The following SLC26A5 variants were observed in gnomAD, a reference collection of about 807,000 sequenced individuals.
SLC26A5 encodes prestin.
SLC26A5 carries 51 observed loss-of-function variants against 81.0 expected under a neutral mutation model. The ratio of observed to expected loss-of-function variants is 0.63; its 90% CI spans 0.50 to 0.80. SLC26A5 has a LOEUF of 0.80. Among genes scored for constraint, SLC26A5 ranks in the 30% least tolerant of loss-of-function variants. The probability of loss-of-function intolerance (pLI) is 0.00; values close to 1 mark genes in which losing one functional copy is unlikely to be tolerated. For synonymous variants in SLC26A5, 325 were observed against 332.8 expected (o/e 0.98, Z 0.25); for missense variants, 771 against 905.8 (o/e 0.85, Z 1.91).
chr7:103,417,173 C>T (rs1167674616), intron 4 of SLC26A5, among the ~76,000 whole-genome samples: 2 of 151,792 alleles, frequency 1.3e-5, no homozygotes, highest in Non-Finnish European at 1.5e-5. Flanking sequence ...AGATCGAGAC[C>T]ATCCTGGCCA....
chr7:103,418,926 T>G (rs990543794), intron 4 of SLC26A5, among the ~76,000 whole-genome samples: 4 of 152,188 alleles, frequency 2.6e-5, no homozygotes, highest in Non-Finnish European at 5.9e-5. Context: ...AAATCTCATC[T>G]TGAATTGTAG....
downstream of SLC26A5, among the ~76,000 whole-genome samples, chr7:103,369,820 C>G (rs1586185365): frequency 6.6e-6 from 1 of 152,252 alleles, no homozygotes; most frequent in East Asian, 1.9e-4. Context: ...TGTTTAAAAA[C>G]TTCTTAGTGT....
intron 2 of SLC26A5, among the ~76,000 whole-genome samples, chr7:103,427,145 C>T (rs975555128): frequency 6.6e-6 from 1 of 151,324 alleles, no homozygotes; most frequent in Non-Finnish European, 1.5e-5. Context: ...GTGATCTTGG[C>T]TCACTGCAAC....
At chr7:103,389,196 C>T in intron 13 of SLC26A5, 82 bp from the exon 14 acceptor site, 1 of 1,210,588 alleles carries the variant, frequency 8.3e-7, no homozygotes, top group Non-Finnish European at 1.2e-6. Context: ...CACACACACA[C>T]ATGCTACTTT....
chr7:103,445,045 T>C (rs1827180303), intron 1 of SLC26A5, among the ~76,000 whole-genome samples: 1 of 152,226 alleles, frequency 6.6e-6, no homozygotes, highest in Admixed American at 6.5e-5. Context: ...TAGTGCACAT[T>C]GTTCAGTTTT....
chr7:103,413,665 C>T (rs1824682104), intron 4 of SLC26A5, among the ~76,000 whole-genome samples: 1 of 152,154 alleles, frequency 6.6e-6, no homozygotes, highest in Non-Finnish European at 1.5e-5. Flanking sequence ...AGTCTCATTA[C>T]CTTCCAGTTA....
intron 5 of SLC26A5, 127 bp downstream of exon 5, chr7:103,412,875 T>C (rs1422368694): frequency 1.4e-6 from 1 of 730,962 alleles, no homozygotes; most frequent in African/African-American, 1.7e-5. Context: ...AAAGCACCTA[T>C]TGTGTATGCA....
intron 9 of SLC26A5, among the ~76,000 whole-genome samples, 181 bp downstream of exon 9, chr7:103,397,751 T>C (rs1823257626): frequency 6.6e-6 from 1 of 151,212 alleles, no homozygotes; most frequent in Non-Finnish European, 1.5e-5. Flanking sequence ...CAAAAATTTG[T>C]TATGTGTTTT....
At chr7:103,420,996 G>A (rs374195363) in intron 3 of SLC26A5, 119 bp from the exon 4 acceptor site, 7 of 1,135,280 alleles carry the variant, frequency 6.2e-6, no homozygotes, top group African/African-American at 3.1e-5. Flanking sequence ...TTTCCAATTG[G>A]TGATTCAAGA....
intron 2 of SLC26A5, among the ~76,000 whole-genome samples, chr7:103,440,311 C>T (rs1279488183): frequency 6.6e-6 from 1 of 152,120 alleles, no homozygotes; most frequent in East Asian, 1.9e-4. Context: ...GAAATTTTTA[C>T]CATTTCTAAT....
chr7:103,368,766 A>T (rs979183759), intron 19 of SLC26A5: 1 of 152,166 alleles, frequency 6.6e-6, no homozygotes, highest in Non-Finnish European at 1.5e-5. Flanking sequence ...AAAAAAAAAT[A>T]TTTGTACATA....
intron 2 of SLC26A5, among the ~76,000 whole-genome samples, chr7:103,422,536 T>A (rs1364476859): frequency 6.6e-6 from 1 of 152,048 alleles, no homozygotes; most frequent in Non-Finnish European, 1.5e-5. Flanking sequence ...AAACCACTCA[T>A]GACAACAATA....
intron 2 of SLC26A5, among the ~76,000 whole-genome samples, chr7:103,421,948 A>G (rs1028975374): frequency 1.3e-5 from 2 of 152,202 alleles, no homozygotes; most frequent in Admixed American, 1.3e-4. Flanking sequence ...AATTGACTCA[A>G]TGTTTCTTAA....
At chr7:103,427,851 C>CTTTTTTTTTTTTTTTTTT in intron 2 of SLC26A5, among the ~76,000 whole-genome samples, 1 of 143,978 alleles carries the variant, frequency 6.9e-6, no homozygotes. Context: ...TCTAGAGATT[C>CTTTTTTTTTTTTTTTTTT]TTTTTTTTTT....
rs1821692041 is a variant in SLC26A5 at position 103,380,538 on chromosome 7, T to A, written c.1526A>T (p.Lys509Ile). 1 of 1,613,452 alleles carries A rather than the reference T, an allele frequency of 6.2e-7. No individual in the cohort carries two copies. Among genetic ancestry groups the A allele is most frequent in the South Asian group, 1.1e-5 (1 of 91,076 alleles). The change falls in exon 15 of 20, where the codon AAA becomes ATA. Residue 509 changes from lysine (K) to isoleucine (I), a missense_variant. Lys to Ile is a moderately radical substitution (Grantham distance 102, BLOSUM62 -3). Transcript: ENST00000306312. ...AGTTTCAGGAAGCTTTCCAAGGACT[T>A]TGTAGCTTGGACTGAAGATAAAGAG... is the stretch of plus-strand genomic sequence containing the variant. ...VIYRTQSPSY[K>I]VLGKLPETDV...
chr7:103,409,172 C>G (rs1323099009), intron 7 of SLC26A5, among the ~76,000 whole-genome samples: 3 of 152,216 alleles, frequency 2.0e-5, no homozygotes, highest in African/African-American at 7.2e-5. Flanking sequence ...TTGTAATTGA[C>G]TACACATGTA....
chr7:103,377,909 T>C, intron 17 of SLC26A5, 110 bp from the exon 18 acceptor site: 1 of 971,292 alleles, frequency 1.0e-6, no homozygotes, highest in African/African-American at 1.6e-5. Context: ...CTACTGACTC[T>C]ACCAGACCCC....
intron 2 of SLC26A5, among the ~76,000 whole-genome samples, chr7:103,438,161 A>G (rs1416726328): frequency 2.6e-5 from 4 of 152,152 alleles, no homozygotes; most frequent in Non-Finnish European, 5.9e-5. Flanking sequence ...GAACCTGTGG[A>G]TACAAAGGGT....
chr7:103,363,883 C>T (rs1820550919), intron 19 of SLC26A5, among the ~76,000 whole-genome samples: 1 of 152,012 alleles, frequency 6.6e-6, no homozygotes, highest in Non-Finnish European at 1.5e-5. Flanking sequence ...TATTTTAAGA[C>T]TGGATAATGG....
Sources: allele counts gnomAD v4.1 joint callset (sites outside exome capture counted in the v4.1 genomes callset), GRCh38; gene constraint gnomAD v4.1.1; transcripts MANE v1.5; gene names NCBI Gene and HGNC (gene_info 2026-07-23, HGNC 2026-07-21).